Variants in METTL15 observed in about 807,000 individuals in gnomAD.
The protein encoded by METTL15 is 12S rRNA N(4)-cytidine methyltransferase METTL15.
METTL15 carries 34 observed loss-of-function variants against 38.3 expected under a neutral mutation model. The ratio of observed to expected loss-of-function variants is 0.89; its 90% confidence interval spans 0.68 to 1.18. METTL15 has a LOEUF of 1.18. Among genes scored for constraint, METTL15 ranks in the 50% most tolerant of loss-of-function variants. METTL15 has a pLI of 0.00. For missense variants in METTL15, 438 were observed against 498.4 expected (o/e 0.88, Z 1.15); for synonymous variants, 162 against 170.9 (o/e 0.95, Z 0.41).
chr11:28,247,617 A>G lies in METTL15; in HGVS notation c.407+36419A>G, dbSNP rs545035313. ...AGTTCAAAACCTAAGAACACTTAAG[A>G]TTGATCGGTAATTTAAACTGAGCTT... On this transcript the variant is annotated intron_variant, in intron 4 of 6. Coordinates refer to ENST00000407364, the MANE Select transcript of METTL15 (RefSeq NM_001113528.2). Among the ~76,000 whole-genome samples, 20 of 152,276 alleles carry G rather than the reference A, an allele frequency of 1.3e-4. No individual in the cohort carries two copies. The South Asian group carries it at 1.9e-3, about 14-fold the overall frequency.
intron 4 of METTL15, among the ~76,000 whole-genome samples, chr11:28,236,378 A>T (rs1853972668): frequency 6.6e-6 from 1 of 152,146 alleles, no homozygotes; most frequent in African/African-American, 2.4e-5. Context: ...TTTCAGAAGG[A>T]ATGGTACCAG....
At chr11:28,269,689 A>G (rs991241409) in intron 4 of METTL15, among the ~76,000 whole-genome samples, 3 of 152,192 alleles carry the variant, frequency 2.0e-5, no homozygotes, top group African/African-American at 7.2e-5. Context: ...CATAGGGGCA[A>G]TACCATTTTG....
At chr11:28,256,605 A>G (rs1482979712) in intron 4 of METTL15, among the ~76,000 whole-genome samples, 1 of 151,862 alleles carries the variant, frequency 6.6e-6, no homozygotes, top group Non-Finnish European at 1.5e-5. Context: ...TTTTTGGTTA[A>G]TCTGGCTGAA....
At chr11:28,502,505 A>G (rs1479198864) in intron 6 of METTL15, among the ~76,000 whole-genome samples, 1 of 152,204 alleles carries the variant, frequency 6.6e-6, no homozygotes, top group East Asian at 1.9e-4. Context: ...GAATCAGACT[A>G]AATTTCCTGG....
At chr11:28,346,292 T>G (rs972296858) in intron 3 of METTL15, among the ~76,000 whole-genome samples, 1 of 152,238 alleles carries the variant, frequency 6.6e-6, no homozygotes, top group Non-Finnish European at 1.5e-5. Flanking sequence ...CTGGGCATCT[T>G]GAATCTTTCT....
At chr11:28,491,257 G>A (rs574778185) in intron 6 of METTL15, among the ~76,000 whole-genome samples, 4 of 152,232 alleles carry the variant, frequency 2.6e-5, no homozygotes, top group African/African-American at 9.6e-5. Flanking sequence ...TGACCAACTA[G>A]TCCATTTATT....
chr11:28,484,860 G>T (rs74610015), intron 6 of METTL15, among the ~76,000 whole-genome samples: 1 of 152,078 alleles, frequency 6.6e-6, no homozygotes, highest in Non-Finnish European at 1.5e-5. Context: ...CAGTCTGGCC[G>T]TCCCACACCA....
chr11:28,210,437 C>T (rs1852582330), intron 3 of METTL15, among the ~76,000 whole-genome samples: 3 of 151,694 alleles, frequency 2.0e-5, no homozygotes, highest in African/African-American at 2.4e-5. Flanking sequence ...GACATAGATA[C>T]TTTGTGTCAA....
chr11:28,512,389 C>T (rs894542142), intron 6 of METTL15, among the ~76,000 whole-genome samples: 15 of 152,200 alleles, frequency 9.9e-5, no homozygotes, highest in Admixed American at 2.6e-4. Context: ...CAGGGAGCAG[C>T]GCTCATCAGG....
chr11:28,299,911 C>G (rs1856857213), intron 6 of METTL15, among the ~76,000 whole-genome samples: 1 of 152,066 alleles, frequency 6.6e-6, no homozygotes, highest in Non-Finnish European at 1.5e-5. Flanking sequence ...ATCACTGTTT[C>G]TGCCTCCATA....
chr11:28,504,006 A>G (rs2582911), intron 6 of METTL15, among the ~76,000 whole-genome samples: 130,183 of 151,660 alleles, frequency 0.86, 56,238 homozygotes, highest in African/African-American at 0.94. Flanking sequence ...GACCAGCCTG[A>G]CCAACAAGGT....
At chr11:28,436,603 T>C (rs1850984392) in intron 6 of METTL15, among the ~76,000 whole-genome samples, 1 of 152,108 alleles carries the variant, frequency 6.6e-6, no homozygotes, top group South Asian at 2.1e-4. Flanking sequence ...ATACTGTTTT[T>C]AAATGTTCAG....
At chr11:28,450,740 A>G (rs768326896) in intron 6 of METTL15, among the ~76,000 whole-genome samples, 1 of 152,234 alleles carries the variant, frequency 6.6e-6, no homozygotes, top group Admixed American at 6.5e-5. Context: ...TATATGCACA[A>G]TATTTTTTAT....
chr11:28,125,536 A>T (rs922534078), intron 3 of METTL15: 2 of 152,024 alleles, frequency 1.3e-5, no homozygotes, highest in Admixed American at 1.3e-4. Context: ...TTTTGGAACC[A>T]AGCTAGCTGA....
intron 3 of METTL15, among the ~76,000 whole-genome samples, chr11:28,119,624 A>G (rs1852124774): frequency 6.6e-6 from 1 of 152,342 alleles, no homozygotes; most frequent in Non-Finnish European, 1.5e-5. Context: ...TACCTATTTT[A>G]AGTTATAATG....
At chr11:28,205,605 C>A (rs979585438) in intron 3 of METTL15, among the ~76,000 whole-genome samples, 9 of 151,984 alleles carry the variant, frequency 5.9e-5, no homozygotes, top group Non-Finnish European at 1.2e-4. Flanking sequence ...GATTTATCGT[C>A]CTTTGGGTAT....
chr11:28,117,470 G>A (rs1013794027), intron 3 of METTL15, among the ~76,000 whole-genome samples: 8 of 151,806 alleles, frequency 5.3e-5, no homozygotes, highest in African/African-American at 1.7e-4. Context: ...AAAACAAATT[G>A]CACTACATCT....
At chr11:28,144,556 A>G (rs1849813153) in intron 3 of METTL15, among the ~76,000 whole-genome samples, 1 of 152,104 alleles carries the variant, frequency 6.6e-6, no homozygotes, top group Non-Finnish European at 1.5e-5. Context: ...ATGAGGACTA[A>G]TAGGATTTTT....
chr11:28,229,581 A>G (rs1045106617), intron 4 of METTL15, among the ~76,000 whole-genome samples: 3 of 152,000 alleles, frequency 2.0e-5, no homozygotes, highest in African/African-American at 4.8e-5. Context: ...CTTATAAAAG[A>G]TTGCAGGGAG....
Sources: allele counts gnomAD v4.1 joint callset (sites outside exome capture counted in the v4.1 genomes callset), GRCh38; gene constraint gnomAD v4.1.1; transcripts MANE v1.5; gene names NCBI Gene and HGNC (gene_info 2026-07-23, HGNC 2026-07-21).